The following CFAP43 variants were observed in gnomAD, a reference collection of about 807,000 sequenced individuals.
CFAP43 encodes cilia- and flagella-associated protein 43.
A neutral mutation model predicts 218.9 loss-of-function variants in CFAP43; 155 were observed. The ratio of observed to expected loss-of-function variants is 0.71; its 90% confidence interval spans 0.62 to 0.81. The LOEUF (loss-of-function observed/expected upper bound fraction) is 0.81, where lower values mean the gene tolerates loss of function less well. CFAP43 is among the 30% of genes least tolerant of loss of function. CFAP43 has a pLI of 0.00. For synonymous variants in CFAP43, 645 were observed against 681.3 expected (o/e 0.95, Z 0.83); for missense variants, 1,778 against 1,954.3 (o/e 0.91, Z 1.70).
In CFAP43 at chr10:104,188,271, T is replaced by C; in HGVS notation, c.1686A>G (p.Gln562=). ...EMFTLPTLLP[Q]VSTTFADERG... is the part of the protein sequence containing the mutation. ...ACTGGCTGCTTATGTTTTCCTTACC[T>C]TGTGGCAGTAATGTAGGCAGTGTGA... Residue 562 remains glutamine, a splice_region_variant and synonymous_variant, in exon 13 of 38, where the codon CAA becomes CAG. Transcript: ENST00000357060. 1 of 1,613,578 alleles carries C rather than the reference T, an allele frequency of 6.2e-7. No individual in the cohort carries two copies. The highest frequency in any genetic ancestry group is 8.5e-7 in the Non-Finnish European group (1 of 1,179,748).
rs776920143 is a variant in CFAP43, at chr10:104,162,026, G to A, written c.3349C>T (p.Leu1117Phe). 1 of 1,613,416 alleles carries A rather than the reference G, an allele frequency of 6.2e-7. No individual in the cohort carries two copies. Among genetic ancestry groups the A allele is most frequent in the South Asian group, 1.1e-5 (1 of 90,886 alleles). ...WLLIQDASTR[L>F]RALMDMMGGV... is the part of the protein sequence containing the mutation. ...CCCATCATGTCCATCAGAGCTCGGA[G>A]TCTTGTACTGGCATCCTGGGAAAGA... The change falls in exon 26 of 38, where the codon CTC (leucine) becomes TTC (phenylalanine). Residue 1117 changes from leucine (L) to phenylalanine (F), a missense_variant. By Grantham distance (22) the Leu-to-Phe change is conservative (BLOSUM62 0). Transcript: ENST00000357060.
Position 104,162,368 on chromosome 10 carries a change from T to G in CFAP43, c.3282A>C (p.Lys1094Asn), listed in dbSNP as rs777363790. 8 of 1,614,090 alleles carry G rather than the reference T, an allele frequency of 5.0e-6. No individual in the cohort carries two copies. The highest frequency in any genetic ancestry group is 3.3e-5 in the Admixed American group (2 of 60,004). ...TAHKHIKPWH[K>N]AKELIVNHEK... ...CATGATTCACGATCAATTCTTTGGC[T>G]TTGTGCCACGGCTTAATGTGTTTGT... Residue 1094 changes from lysine (K) to asparagine (N), a missense_variant, in exon 25 of 38, where the codon AAA (lysine) becomes AAC (asparagine). Transcript: ENST00000357060.
intron 12 of CFAP43, among the ~76,000 whole-genome samples, chr10:104,191,345 T>C (rs2090206304): frequency 6.6e-6 from 1 of 152,196 alleles, no homozygotes; most frequent in Non-Finnish European, 1.5e-5. Flanking sequence ...ACCAGACTTT[T>C]TTACCATTCC....
intron 22 of CFAP43, among the ~76,000 whole-genome samples, chr10:104,167,356 G>A (rs542587416): frequency 6.6e-6 from 1 of 152,320 alleles, no homozygotes; most frequent in East Asian, 1.9e-4. Flanking sequence ...TGCAGGATAA[G>A]AGCAGAACAC....
chr10:104,167,212 A>C (rs767126213), intron 22 of CFAP43, among the ~76,000 whole-genome samples: 7 of 152,224 alleles, frequency 4.6e-5, no homozygotes, highest in Non-Finnish European at 1.0e-4. Flanking sequence ...ATTATTGCTT[A>C]AAAAGTTGGG....
At chr10:104,192,831 T>C (rs1157551975) in intron 11 of CFAP43, 1 of 167,862 alleles carries the variant, frequency 6.0e-6, no homozygotes, top group African/African-American at 2.4e-5. Context: ...AGGTTATCCA[T>C]CCTTCCCCAC....
At chr10:104,139,229 G>A in intron 34 of CFAP43, among the ~76,000 whole-genome samples, 1 of 152,154 alleles carries the variant, frequency 6.6e-6, no homozygotes, top group Non-Finnish European at 1.5e-5. Context: ...AAGAGATGTG[G>A]AACAGTATCA....
chr10:104,152,859 C>G, intron 27 of CFAP43, 133 bp from the exon 28 acceptor site: 2 of 895,732 alleles, frequency 2.2e-6, no homozygotes, highest in Non-Finnish European at 3.3e-6. Context: ...TCTGTACTCT[C>G]TTAAACCAGA....
At chr10:104,151,827 G>A (rs112829333) in intron 28 of CFAP43, among the ~76,000 whole-genome samples, 38 of 152,280 alleles carry the variant, frequency 2.5e-4, no homozygotes, top group African/African-American at 8.7e-4. Context: ...TGTCCAGAAT[G>A]ATATTGCATA....
At chr10:104,210,783 C>CTTTTTTTTTTTTTTTTTTTTTTTT (rs68153454) in intron 5 of CFAP43, among the ~76,000 whole-genome samples, 1 of 75,460 alleles carries the variant, frequency 1.3e-5, no homozygotes, top group Non-Finnish European at 2.3e-5. Context: ...GTGAAACACT[C>CTTTTTTTTTTTTTTTTTTTTTTTT]TTTTTTTTTT....
At chr10:104,154,137 T>C (rs1030127849) in intron 27 of CFAP43, among the ~76,000 whole-genome samples, 22 of 152,332 alleles carry the variant, frequency 1.4e-4, no homozygotes, top group African/African-American at 5.1e-4. Context: ...ATTTATTAAT[T>C]TGTGGAAAGA....
intron 27 of CFAP43, among the ~76,000 whole-genome samples, chr10:104,159,235 G>A (rs1392639830): frequency 1.3e-5 from 2 of 152,096 alleles, no homozygotes; most frequent in African/African-American, 2.4e-5. Flanking sequence ...TTGCAGTAAA[G>A]GAGAGCAGAG....
chr10:104,169,734 G>A (rs939469473), intron 20 of CFAP43, among the ~76,000 whole-genome samples: 1 of 151,856 alleles, frequency 6.6e-6, no homozygotes, highest in Non-Finnish European at 1.5e-5. Context: ...CTGATTAAAT[G>A]ACTTTAATTT....
Position 104,143,581 on chromosome 10 carries a change from GT to G in CFAP43, c.4002del (p.Pro1335GlnfsTer6). 1 of 1,614,154 alleles carries G rather than the reference GT, an allele frequency of 6.2e-7. No individual in the cohort carries two copies. Among genetic ancestry groups the G allele is most frequent in the East Asian group, 2.2e-5 (1 of 44,880 alleles). On this transcript the variant is annotated frameshift_variant, in exon 32 of 38. Transcript: ENST00000357060. LOFTEE classifies it high-confidence loss of function. ...ETTSVVPFGE[L>X]PGSGKLNKDA... ...TCCTTATTCAACTTGCCAGATCCTG[GT>G]AGTTCTCCGAAAGGGACAACGCTGG...
rs2091428527 is a variant in CFAP43, at chr10:104,230,764, T to C, written c.145A>G (p.Ile49Val). The change falls in exon 2 of 38, where the codon ATA becomes GTA. Residue 49 changes from isoleucine to valine, a missense_variant. Transcript: ENST00000357060. Reference sequence around the variant, plus strand: ...TTCTTGGTTTCAATATTAATAAATATTACATAATTCCCACAAGGGTAGCAA... The same window carrying C: ...TTCTTGGTTTCAATATTAATAAATACTACATAATTCCCACAAGGGTAGCAA... ...TICYPCGNYV[I>V]FINIETKKKT... 5.0e-6 allele frequency: 8 copies of C among 1,613,974 alleles called. No individual in the cohort carries two copies. Among genetic ancestry groups the C allele is most frequent in the Non-Finnish European group, 5.9e-6 (7 of 1,179,948 alleles).
Position 104,183,429 on chromosome 10 carries a change from CCGGACTG to C in CFAP43, c.2142-923_2142-917del, listed in dbSNP as rs576321367. Among the ~76,000 whole-genome samples the C allele has an allele frequency of 2.6e-4, 39 of 150,162 alleles. No homozygotes were observed. The East Asian group carries it at 7.3e-3, about 28-fold the overall frequency. ...ACGGAGTCTCGCTCTGTCGCCCAGG[CCGGACTG>C]CGGACTGCAGTGGTGCAATCTCGGC... On this transcript the variant is annotated intron_variant, in intron 16 of 37. Transcript: ENST00000357060.
At chr10:104,138,567 C>T (rs539058775) in intron 34 of CFAP43, among the ~76,000 whole-genome samples, 7 of 151,800 alleles carry the variant, frequency 4.6e-5, no homozygotes, top group African/African-American at 7.2e-5. Flanking sequence ...CCCAGCTACT[C>T]GGGAGGCTGA....
chr10:104,152,939 GA>G (rs1287924704), intron 27 of CFAP43, among the ~76,000 whole-genome samples: 3 of 151,942 alleles, frequency 2.0e-5, no homozygotes, highest in Non-Finnish European at 4.4e-5. Context: ...TTACATTGGG[GA>G]AAAAAACTTA....
chr10:104,185,088 C>T lies in CFAP43; in HGVS notation c.2069G>A (p.Arg690Lys). 6.2e-7 allele frequency: 1 copy of T among 1,614,164 alleles called. No individual in the cohort carries two copies. Among genetic ancestry groups the T allele is most frequent in the Non-Finnish European group, 8.5e-7 (1 of 1,180,016 alleles). ...SHQGHGIQSM[R>K]ISMDGQNILV... ...AATGTTTTGTCCATCCATTGAAATTCTCATTGACTGAATCCCATGACCCTG... is the reference window on the plus strand; with the variant it reads ...AATGTTTTGTCCATCCATTGAAATTTTCATTGACTGAATCCCATGACCCTG... The change falls in exon 16 of 38, where the codon AGA (arginine) becomes AAA (lysine). Residue 690 changes from arginine (R) to lysine (K), a missense_variant. Around this residue, in one of 3 missense-constraint regions of CFAP43, gnomAD observed 1,553 missense variants for 1,685.2 expected, o/e 0.92. Coordinates refer to ENST00000357060, the MANE Select transcript of CFAP43 (RefSeq NM_025145.7).
Sources: allele counts gnomAD v4.1 joint callset (sites outside exome capture counted in the v4.1 genomes callset), GRCh38; gene constraint gnomAD v4.1.1; regional missense constraint gnomAD v4.1.1; transcripts MANE v1.5; gene names NCBI Gene and HGNC (gene_info 2026-07-23, HGNC 2026-07-21).